ATP13A2: variants seen among roughly 807,000 people sequenced by gnomAD.
The protein encoded by ATP13A2 is polyamine-transporting ATPase 13A2.
Under a neutral mutation model 138.3 loss-of-function variants are expected in ATP13A2, and 83 were observed. That is an observed-to-expected ratio of 0.60 (90% CI 0.50 to 0.72). The LOEUF (loss-of-function observed/expected upper bound fraction) is 0.72, where lower values mean the gene tolerates loss of function less well. Among genes scored for constraint, ATP13A2 ranks in the 30% least tolerant of loss-of-function variants. ATP13A2 has a pLI of 0.00. For synonymous variants in ATP13A2, 663 were observed against 699.0 expected (o/e 0.95, Z 0.81); for missense variants, 1,402 against 1,606.4 (o/e 0.87, Z 2.17).
chr1:16,988,009 C>G, intron 25 of ATP13A2, 129 bp downstream of exon 25: 2 of 882,160 alleles, frequency 2.3e-6, no homozygotes, highest in South Asian at 1.4e-5. Flanking sequence ...ACCACACAGC[C>G]GGAGAGTGGC....
chr1:16,998,392 G>A (rs1443795176), intron 11 of ATP13A2, among the ~76,000 whole-genome samples: 1 of 152,082 alleles, frequency 6.6e-6, no homozygotes, highest in Non-Finnish European at 1.5e-5. Flanking sequence ...TTTTGGTAGA[G>A]ATGGGGTTTC....
chr1:16,994,571 G>A (rs570201888), intron 15 of ATP13A2, among the ~76,000 whole-genome samples: 1 of 152,206 alleles, frequency 6.6e-6, no homozygotes, highest in South Asian at 2.1e-4. Flanking sequence ...GTCAGTGCCT[G>A]CGTTCCCCAT....
rs1382039849 is a variant in ATP13A2 at position 16,986,272 on chromosome 1, T to C, written c.3492A>G (p.Arg1164=). 1.2e-6 allele frequency: 2 copies of C among 1,606,498 alleles called. No individual in the cohort carries two copies. Among genetic ancestry groups the C allele is most frequent in the Non-Finnish European group, 1.7e-6 (2 of 1,177,288 alleles). Residue 1164 remains arginine, a synonymous_variant, in exon 29 of 29, where the codon CGA becomes CGG. Transcript: ENST00000326735. The surrounding 1 kb of genome is among the most constrained non-coding windows in gnomAD (Gnocchi z 6.9). ...ASKKRFKQLE[R]ELAEQPWPPL... is the part of the protein sequence containing the mutation. ...GCGGCCAGGGCTGCTCGGCCAGCTC[T>C]CGTTCCAGCTGCTTGAAGCGCTTCT...
Position 17,005,362 on chromosome 1 carries a change from C to T in ATP13A2, c.288+12G>A, listed in dbSNP as rs749064381. ...TGCGCTTCTCTAGCCCCAGGCTCAG[C>T]CTGACTCTCACCTCTTTGTCTCTTA... On this transcript the variant is annotated intron_variant, in intron 3 of 28. Transcript: ENST00000326735. 1 of 1,586,706 alleles carries T rather than the reference C, an allele frequency of 6.3e-7. No homozygotes were observed. The highest frequency in any genetic ancestry group is 8.6e-7 in the Non-Finnish European group (1 of 1,165,990).
chr1:16,997,261 G>A (rs577797044), intron 11 of ATP13A2, 86 bp from the exon 12 acceptor site: 32 of 1,527,820 alleles, frequency 2.1e-5, no homozygotes, highest in African/African-American at 1.4e-4. Context: ...TGTCCCACAA[G>A]CTCTAAGTCT....
chr1:17,005,221 A>G (rs1410476224), intron 3 of ATP13A2, 149 bp from the exon 4 acceptor site: 8 of 1,442,412 alleles, frequency 5.5e-6, no homozygotes, highest in African/African-American at 4.2e-5. Context: ...CTTCTGCCCA[A>G]TGCTCAGATG....
In ATP13A2 at chr1:16,997,139, T is replaced by TCCGGCAGTGCCGTCTTCAGCACTGG. The variant is rs2077159900; in HGVS notation, c.1051_1075dup (p.Glu359AlafsTer73). The TCCGGCAGTGCCGTCTTCAGCACTGG allele has an allele frequency of 6.2e-7, 1 of 1,613,552 alleles. No individual in the cohort carries two copies. Among genetic ancestry groups the TCCGGCAGTGCCGTCTTCAGCACTGG allele is most frequent in the Non-Finnish European group, 8.5e-7 (1 of 1,180,028 alleles). On this transcript the variant is annotated frameshift_variant, in exon 12 of 29. Transcript: ENST00000326735. LOFTEE classifies it high-confidence loss of function. ...CTCTGCACAGTAGGGCCCCAGCCCC[T>TCCGGCAGTGCCGTCTTCAGCACTGG]CCGGCAGTGCCGTCTTCAGCACTGG... is the stretch of plus-strand genomic sequence containing the variant.
In ATP13A2 at chr1:16,992,038, G is replaced by A; in HGVS notation, c.2097C>T (p.Pro699=). The change falls in exon 19 of 29, where the codon CCC becomes CCT. Residue 699 remains proline, a synonymous_variant. Coordinates refer to ENST00000326735, the MANE Select transcript of ATP13A2 (RefSeq NM_022089.4). The part of the protein sequence containing the change: ...ALASKPLPTV[P]SLEAAQQLTR... ...TCAGTTGCTGGGCTGCCTCCAGGCT[G>A]GGCACAGTGGGCAGTGGCTTGCTGG... 6.2e-7 allele frequency: 1 copy of A among 1,613,304 alleles called. No homozygotes were observed. The highest frequency in any genetic ancestry group is 8.5e-7 in the Non-Finnish European group (1 of 1,179,664).
At position 17,000,332 on chromosome 1, in the gene ATP13A2, G is replaced by T; in HGVS notation, c.841-20C>A. ...GCTTTGCTGTGGGCAGGGGACAAGA[G>T]GGCCGTGAGTGGGTGGGGGCCCCTG... On this transcript the variant is annotated intron_variant, in intron 9 of 28. Coordinates refer to ENST00000326735, the MANE Select transcript of ATP13A2 (RefSeq NM_022089.4). The T allele has an allele frequency of 6.3e-7, 1 of 1,583,658 alleles. No homozygotes were observed. Among genetic ancestry groups the T allele is most frequent in the Non-Finnish European group, 8.6e-7 (1 of 1,164,762 alleles).
chr1:16,989,664 T>C (rs1421022975), intron 23 of ATP13A2, 27 bp downstream of exon 23: 28 of 1,613,094 alleles, frequency 1.7e-5, no homozygotes, highest in Middle Eastern at 1.7e-4. Context: ...CGCAGGCCCT[T>C]GCCCACACCC....
At chr1:17,006,700 C>G (rs1432892817) in intron 1 of ATP13A2, among the ~76,000 whole-genome samples, 1 of 152,122 alleles carries the variant, frequency 6.6e-6, no homozygotes, top group Non-Finnish European at 1.5e-5. Flanking sequence ...ACTTTTCTAT[C>G]CTCATCCAGT....
intron 11 of ATP13A2, 24 bp downstream of exon 11, chr1:16,999,987 G>T: frequency 6.3e-7 from 1 of 1,584,906 alleles, no homozygotes; most frequent in Non-Finnish European, 8.6e-7. Context: ...GAAGGAAGCT[G>T]CAGGCCAGGG....
intron 1 of ATP13A2, among the ~76,000 whole-genome samples, chr1:17,009,686 C>T (rs2077708202): frequency 2.0e-5 from 3 of 152,098 alleles, no homozygotes; most frequent in Non-Finnish European, 4.4e-5. Flanking sequence ...TGAGCCACCA[C>T]ACCCGGCCTC....
chr1:17,000,240 C>A lies in ATP13A2; in HGVS notation c.907+6G>T. On this transcript the variant is annotated splice_donor_region_variant and intron_variant, in intron 10 of 28. Coordinates refer to ENST00000326735, the MANE Select transcript of ATP13A2 (RefSeq NM_022089.4). ...TGCCCCCGCCCCCTGGGCCCTAGCT[C>A]CTCACCTCCCCCTGGCCGGCACACG... 1.9e-6 allele frequency: 3 copies of A among 1,558,380 alleles called. No individual in the cohort carries two copies. Among genetic ancestry groups the A allele is most frequent in the Non-Finnish European group, 2.6e-6 (3 of 1,151,186 alleles).
intron 15 of ATP13A2, among the ~76,000 whole-genome samples, chr1:16,994,607 C>T (rs2077052417): frequency 6.6e-6 from 1 of 152,130 alleles, no homozygotes; most frequent in Non-Finnish European, 1.5e-5. Context: ...CCCAAGTACG[C>T]GTCTGGCTCC....
chr1:17,000,783 A>G (rs1210860919), intron 8 of ATP13A2: 7 of 505,720 alleles, frequency 1.4e-5, no homozygotes, highest in Non-Finnish European at 2.1e-5. Context: ...ATCTACAAAA[A>G]ATACAAAAAT....
intron 3 of ATP13A2, 25 bp from the exon 4 acceptor site, chr1:17,005,097 G>A (rs1425438997): frequency 3.7e-6 from 6 of 1,613,006 alleles, no homozygotes; most frequent in Non-Finnish European, 5.1e-6. Context: ...TATGGACTCA[G>A]TCTCAGAAGA....
At chr1:16,989,857 G>A (rs1449573221) in intron 22 of ATP13A2, 30 bp downstream of exon 22, 1 of 1,608,934 alleles carries the variant, frequency 6.2e-7, no homozygotes, top group South Asian at 1.1e-5. Flanking sequence ...GGGAGGCGCA[G>A]GGCGGCCAGG....
At chr1:17,009,301 T>G (rs1369425368) in intron 1 of ATP13A2, among the ~76,000 whole-genome samples, 1 of 151,660 alleles carries the variant, frequency 6.6e-6, no homozygotes, top group East Asian at 1.9e-4. Context: ...ACCGACTGAC[T>G]GAATGAATGA....
Sources: gnomAD v4.1 joint callset for allele counts (sites outside exome capture counted in the v4.1 genomes callset) on GRCh38, gnomAD v4.1.1 for gene constraint, Gnocchi (gnomAD v3.1) non-coding constraint, MANE v1.5 for transcripts, NCBI Gene and HGNC (gene_info 2026-07-23, HGNC 2026-07-21) for gene names.